The following FGD5 variants were observed in gnomAD, a reference collection of about 807,000 sequenced individuals.
The protein encoded by FGD5 is FYVE, RhoGEF and PH domain containing 5, also known as FYVE, RhoGEF and PH domain-containing protein 5.
A neutral mutation model predicts 133.4 loss-of-function variants in FGD5; 28 were observed. The observed-to-expected ratio is 0.21, with a 90% CI of 0.16 to 0.29. FGD5 has a LOEUF of 0.29. Ranked by LOEUF, FGD5 falls within the 10% of genes least tolerant of loss-of-function variation. The pLI, the probability that FGD5 is intolerant of heterozygous loss-of-function variation, is 1.00. For missense variants in FGD5, 1,858 were observed against 1,895.2 expected (o/e 0.98, Z 0.36); for synonymous variants, 810 against 776.5 (o/e 1.04, Z -0.72).
Position 14,923,048 on chromosome 3 carries a change from C to T in FGD5, c.3810C>T (p.Ile1270=), listed in dbSNP as rs368487979. Residue 1270 remains isoleucine, a splice_region_variant and synonymous_variant, in exon 16 of 20, where the codon ATC becomes ATT. Transcript: ENST00000285046. ...RRHHCHACGK[I]VCRNCSRNKY... is the part of the protein sequence containing the mutation. ...AATCTTCCCACCTGGGCCTGCAGAT[C>T]GTGTGCCGGAACTGTTCGCGGAACA... The T allele has an allele frequency of 9.3e-6, 15 of 1,613,760 alleles. No individual in the cohort carries two copies. The highest frequency in any genetic ancestry group is 1.7e-4 in the Middle Eastern group (1 of 6,060).
rs367734318 is a variant in FGD5 at position 14,882,652 on chromosome 3, C to T, written c.2748+1880C>T. The stretch of plus-strand genomic sequence containing the variant: ...GAAGGAGGTTGCAGTGAGCCGAGAT[C>T]GTGCCACTGCACTCCAGCCTGGGTG... On this transcript the variant is annotated intron_variant, in intron 4 of 19. Transcript: ENST00000285046. Among the ~76,000 whole-genome samples, 88 of 149,444 alleles carry T rather than the reference C, an allele frequency of 5.9e-4. 1 individual carries two copies. In the South Asian group the frequency reaches 0.018, roughly 30 times the overall value.
At position 14,917,541 on chromosome 3, in the gene FGD5, C is replaced by CT. The variant is rs1353735124; in HGVS notation, c.3489+211dup. On this transcript the variant is annotated intron_variant, in intron 12 of 19. Transcript: ENST00000285046. The surrounding 1 kb of genome is among the most constrained non-coding windows in gnomAD (Gnocchi z 4.1). ...GCTTCTTGGAAGAGGAGACTGAACC[C>CT]TTAGAGTGGATAATATTTGGTCGGA... 6.6e-6 allele frequency among the ~76,000 whole-genome samples: 1 copy of CT among 151,814 alleles called. No homozygotes were observed. The highest frequency in any genetic ancestry group is 1.9e-4 in the East Asian group (1 of 5,168).
chr3:14,905,646 C>T (rs1559500865), intron 9 of FGD5, among the ~76,000 whole-genome samples: 2 of 152,102 alleles, frequency 1.3e-5, no homozygotes, highest in Admixed American at 6.5e-5. Flanking sequence ...GTTTCCATCT[C>T]TGCCAAAATC....
At chr3:14,845,642 C>T (rs951516618) in intron 1 of FGD5, among the ~76,000 whole-genome samples, 3 of 152,132 alleles carry the variant, frequency 2.0e-5, no homozygotes, top group South Asian at 2.1e-4. Flanking sequence ...GAGACCCAGA[C>T]CCTGGAGCCT....
chr3:14,873,409 G>A (rs1172016350), intron 2 of FGD5, among the ~76,000 whole-genome samples: 3 of 152,200 alleles, frequency 2.0e-5, no homozygotes, highest in South Asian at 4.1e-4. Context: ...CCTTGGAAGA[G>A]AGCAGGACGT....
rs192417109 is a variant in FGD5, at chr3:14,811,765, A to G, written c.13+900A>G. 3.9e-5 allele frequency among the ~76,000 whole-genome samples: 6 copies of G among 152,306 alleles called. No individual in the cohort carries two copies. The East Asian group carries it at 9.7e-4, about 25-fold the overall frequency. ...CCCAGTCCTCGGGATTCCCAACGCC[A>G]TCTAAGGGGAGGGCAGAAAGTTCCC... On this transcript the variant is annotated intron_variant, in intron 1 of 1. Transcript: ENST00000640506.
At chr3:14,857,780 T>TG (rs1429431440) in intron 1 of FGD5, among the ~76,000 whole-genome samples, 1 of 152,206 alleles carries the variant, frequency 6.6e-6, no homozygotes, top group Admixed American at 6.5e-5. Flanking sequence ...TTTCGTCTGT[T>TG]GCTGTCAGGC....
At chr3:14,874,093 A>G (rs201570736) in intron 2 of FGD5, among the ~76,000 whole-genome samples, 21,821 of 152,154 alleles carry the variant, frequency 0.14, 1,875 homozygotes, top group East Asian at 0.39. Flanking sequence ...ACAATGGAAT[A>G]TTATTCAGCC....
chr3:14,929,049 C>T (rs189165897), intron 18 of FGD5, among the ~76,000 whole-genome samples: 2 of 152,278 alleles, frequency 1.3e-5, no homozygotes, highest in Admixed American at 1.3e-4. Flanking sequence ...GAGGCAACAC[C>T]CTGTTCCAAT....
rs564334969 is a variant in FGD5 at position 14,838,814 on chromosome 3, T to A, written c.2525+17218T>A. ...AAATGGAAGGTAAAACAAAGTCAGA[T>A]GACATTGCTGGGGCCTCACATCCCT... On this transcript the variant is annotated intron_variant, in intron 1 of 19. Transcript: ENST00000285046. 8.5e-5 allele frequency among the ~76,000 whole-genome samples: 13 copies of A among 152,342 alleles called. No individual in the cohort carries two copies. The East Asian group carries it at 2.5e-3, about 29-fold the overall frequency.
rs372988215 is a variant in FGD5, at chr3:14,820,510, C to T, written c.1439C>T (p.Thr480Met). ...CCCGCGGACAGGAAGAACACCAGCA[C>T]GAGGGTCCGGCCCCACTCTGGGAAG... Reference protein sequence around the residue: ...LVPADRKNTSTRVRPHSGKVA... With the variant: ...LVPADRKNTSMRVRPHSGKVA... The change falls in exon 1 of 20, where the codon ACG (threonine) becomes ATG (methionine). Residue 480 changes from threonine to methionine, a missense_variant. Thr to Met is a moderately conservative substitution (Grantham distance 81). Coordinates refer to ENST00000285046, the MANE Select transcript of FGD5 (RefSeq NM_152536.4). The T allele has an allele frequency of 2.0e-5, 32 of 1,613,800 alleles. No homozygotes were observed. The African/African-American group carries it at 2.3e-4, about 11-fold the overall frequency.
chr3:14,820,538 G>A lies in FGD5; in HGVS notation c.1467G>A (p.Val489=), dbSNP rs2036469578. ...STRVRPHSGK[V]AGYVPETVPE... ...GGGTCCGGCCCCACTCTGGGAAGGT[G>A]GCCGGCTATGTCCCAGAAACCGTCC... The change falls in exon 1 of 20, where the codon GTG becomes GTA. Residue 489 remains valine, a synonymous_variant. Transcript: ENST00000285046. 1 of 1,613,610 alleles carries A rather than the reference G, an allele frequency of 6.2e-7. No homozygotes were observed. The highest frequency in any genetic ancestry group is 8.5e-7 in the Non-Finnish European group (1 of 1,179,746).
Position 14,819,758 on chromosome 3 carries a change from A to C in FGD5, c.687A>C (p.Ala229=). The change falls in exon 1 of 20, where the codon GCA becomes GCC. Residue 229 remains alanine (A), a synonymous_variant. Transcript: ENST00000285046. The surrounding 1 kb of genome is among the most constrained non-coding windows in gnomAD (Gnocchi z 4.1). The part of the protein sequence containing the change: ...EGCASTDPAG[A]DEGSGPDRPT... ...GTGCCAGCACAGACCCAGCAGGGGC[A>C]GATGAGGGTTCGGGTCCTGACAGGC... 1.3e-6 allele frequency: 2 copies of C among 1,542,846 alleles called. No homozygotes were observed.
intron 1 of FGD5, among the ~76,000 whole-genome samples, chr3:14,844,319 TG>T: frequency 7.7e-6 from 1 of 129,960 alleles, no homozygotes; most frequent in Admixed American, 8.2e-5. Flanking sequence ...TCACTGGGTG[TG>T]GGGTGTTGCT....
rs192175137 is a variant in FGD5, at chr3:14,906,187, G to A, written c.3265-1453G>A. Among the ~76,000 whole-genome samples, 431 of 152,306 alleles carry A rather than the reference G, an allele frequency of 2.8e-3. 4 individuals carry two copies. The highest frequency in any genetic ancestry group is 4.5e-3 in the Non-Finnish European group (304 of 68,032). On this transcript the variant is annotated intron_variant, in intron 9 of 19. Coordinates refer to ENST00000285046, the MANE Select transcript of FGD5 (RefSeq NM_152536.4). ...TCCCCATGTTCTTGCTCTTCTCAGA[G>A]GCAGGCTACTGCCCTGTGTTACTCA...
chr3:14,819,388 G>T lies in FGD5; in HGVS notation c.317G>T (p.Gly106Val), dbSNP rs1354324297. 6.5e-7 allele frequency: 1 copy of T among 1,549,326 alleles called. No individual in the cohort carries two copies. Among genetic ancestry groups the T allele is most frequent in the African/African-American group, 1.4e-5 (1 of 72,408 alleles). ...GAGGAAGAGGAGCGTGAAGAGGGAG[G>T]CGAGGCATGTGGCCTGGAGGGTACA... is the stretch of plus-strand genomic sequence containing the variant. ...AEEEEEREEGGEACGLEGTGA... is the reference protein window; with the variant it reads ...AEEEEEREEGVEACGLEGTGA... Residue 106 changes from glycine to valine, a missense_variant, in exon 1 of 20, where the codon GGC becomes GTC. Gly to Val is a moderately radical substitution (Grantham distance 109). Around this residue, in one of 3 missense-constraint regions of FGD5, gnomAD observed 1,824 missense variants for 1,848.9 expected, o/e 0.99. Transcript: ENST00000285046. This position sits in a 1 kb window ranked among gnomAD's most constrained non-coding sequence, Gnocchi z 4.1.
chr3:14,882,340 A>G, intron 4 of FGD5: 1 of 985,378 alleles, frequency 1.0e-6, no homozygotes, highest in East Asian at 1.1e-4. Context: ...AGTTGGAAAG[A>G]CATTGAAGCC....
At chr3:14,851,842 G>A (rs1414887793) in intron 1 of FGD5, among the ~76,000 whole-genome samples, 40 of 151,806 alleles carry the variant, frequency 2.6e-4, no homozygotes. Flanking sequence ...AGGTTGGGAG[G>A]AGGCTGAGAT....
intron 1 of FGD5, among the ~76,000 whole-genome samples, chr3:14,812,625 T>C (rs1315666469): frequency 8.5e-5 from 13 of 152,214 alleles, no homozygotes; most frequent in African/African-American, 2.7e-4. Flanking sequence ...CAGCCTCACA[T>C]TCAGGCCGTG....
Sources: gnomAD v4.1 joint callset for allele counts (sites outside exome capture counted in the v4.1 genomes callset) on GRCh38, gnomAD v4.1.1 for gene constraint, gnomAD v4.1.1 regional missense constraint, Gnocchi (gnomAD v3.1) non-coding constraint, MANE v1.5 for transcripts, NCBI Gene and HGNC (gene_info 2026-07-23, HGNC 2026-07-21) for gene names.